Variants in IQGAP1 observed in about 807,000 individuals in gnomAD.
The protein encoded by IQGAP1 is ras GTPase-activating-like protein IQGAP1.
In IQGAP1, 66 loss-of-function variants were observed where a neutral mutation model predicts 215.6. The observed-to-expected ratio is 0.31, with a 90% CI of 0.25 to 0.38. The LOEUF (loss-of-function observed/expected upper bound fraction) is 0.38, where lower values mean the gene tolerates loss of function less well. Ranked by LOEUF, IQGAP1 falls within the 10% of genes least tolerant of loss-of-function variation. The pLI is 1.00. For missense variants in IQGAP1, 1,712 were observed against 1,997.1 expected (o/e 0.86, Z 2.72); for synonymous variants, 772 against 728.7 (o/e 1.06, Z -0.96).
intron 6 of IQGAP1, among the ~76,000 whole-genome samples, chr15:90,439,712 A>G (rs1965422384): frequency 6.6e-6 from 1 of 152,214 alleles, no homozygotes; most frequent in African/African-American, 2.4e-5. Context: ...GGTATGTTGA[A>G]AAAAGCTTTA....
chr15:90,453,169 A>C lies in IQGAP1; in HGVS notation c.1364A>C (p.Glu455Ala). 1.2e-6 allele frequency: 2 copies of C among 1,613,900 alleles called. No homozygotes were observed. Among genetic ancestry groups the C allele is most frequent in the Non-Finnish European group, 1.7e-6 (2 of 1,179,910 alleles). The change falls in exon 13 of 38, where the codon GAG (glutamate) becomes GCG (alanine). Residue 455 changes from glutamate (E) to alanine (A), a missense_variant. Coordinates refer to ENST00000268182, the MANE Select transcript of IQGAP1 (RefSeq NM_003870.4). ...CACCCAGAGCTCTCTGTCGCAGTGGAGATGTTGTCATCGGTGGCCCTGATC... is the reference window on the plus strand; with the variant it reads ...CACCCAGAGCTCTCTGTCGCAGTGGCGATGTTGTCATCGGTGGCCCTGATC... ...LTHPELSVAVEMLSSVALINR... is the reference protein window; with the variant it reads ...LTHPELSVAVAMLSSVALINR...
chr15:90,399,818 G>T (rs1292584581), intron 2 of IQGAP1, among the ~76,000 whole-genome samples: 1 of 151,880 alleles, frequency 6.6e-6, no homozygotes, highest in African/African-American at 2.4e-5. Context: ...AAAACCAGCT[G>T]TTTATTACCT....
chr15:90,388,284 G>C lies in IQGAP1; in HGVS notation c.-58G>C, dbSNP rs1185002010. ...GCACTTGGCAGGAGCTGTAGCTACC[G>C]CCGTCCGCGCCTCCAAGGTTTCACG... On this transcript the variant is annotated 5_prime_UTR_variant, in exon 1 of 38. Transcript: ENST00000268182. 4.6e-5 allele frequency: 73 copies of C among 1,577,712 alleles called. No homozygotes were observed. The East Asian group carries it at 1.6e-3, about 34-fold the overall frequency.
intron 18 of IQGAP1, among the ~76,000 whole-genome samples, chr15:90,468,788 A>G (rs530037516): frequency 2.0e-5 from 3 of 152,250 alleles, no homozygotes; most frequent in East Asian, 3.9e-4. Context: ...CCATGATCAC[A>G]GCAGTGCACT....
rs1291301669 is a variant in IQGAP1, at chr15:90,429,708, T to C, written c.390+42T>C. On this transcript the variant is annotated intron_variant, in intron 4 of 37. Transcript: ENST00000268182. ...AATAGTTTAGGCTTTGTTCCAGCTGTTGTGGCATAACCCTCAAACAACCTG... is the reference window on the plus strand; with the variant it reads ...AATAGTTTAGGCTTTGTTCCAGCTGCTGTGGCATAACCCTCAAACAACCTG... 4 of 1,336,406 alleles carry C rather than the reference T, an allele frequency of 3.0e-6. No individual in the cohort carries two copies. The East Asian group carries it at 9.4e-5, about 31-fold the overall frequency. 82.8% of individuals were successfully genotyped at this position (1,336,406 alleles called of 1,614,324 possible). A position where few individuals can be genotyped will look rare whatever the true frequency, so the allele number is the denominator to read the frequency against.
chr15:90,443,992 A>T (rs1277984478), intron 9 of IQGAP1, among the ~76,000 whole-genome samples: 1 of 151,898 alleles, frequency 6.6e-6, no homozygotes, highest in Non-Finnish European at 1.5e-5. Flanking sequence ...TGAACCTGGG[A>T]GGCATAGGTT....
At chr15:90,497,117 T>C (rs909182684) in intron 36 of IQGAP1, 115 bp from the exon 37 acceptor site, 7 of 625,650 alleles carry the variant, frequency 1.1e-5, no homozygotes, top group Admixed American at 3.0e-5. Context: ...TTGACCTGTA[T>C]TTTCTGCAGC....
intron 15 of IQGAP1, among the ~76,000 whole-genome samples, chr15:90,458,712 C>T (rs1302883778): frequency 6.6e-6 from 1 of 152,174 alleles, no homozygotes; most frequent in Non-Finnish European, 1.5e-5. Context: ...TTCTAGCTTC[C>T]CTAGAGCCAA....
At chr15:90,419,306 A>G (rs1965099785) in intron 2 of IQGAP1, among the ~76,000 whole-genome samples, 1 of 152,208 alleles carries the variant, frequency 6.6e-6, no homozygotes, top group Non-Finnish European at 1.5e-5. Context: ...GATTGAGATA[A>G]TAATGCATGT....
At chr15:90,423,796 A>G (rs1965182238) in intron 2 of IQGAP1, among the ~76,000 whole-genome samples, 1 of 152,238 alleles carries the variant, frequency 6.6e-6, no homozygotes, top group South Asian at 2.1e-4. Context: ...TATAGGAAAC[A>G]TCTAAGTCAG....
At chr15:90,456,488 G>T (rs1965682200) in intron 15 of IQGAP1, among the ~76,000 whole-genome samples, 173 bp downstream of exon 15, 1 of 152,140 alleles carries the variant, frequency 6.6e-6, no homozygotes, top group South Asian at 2.1e-4. Context: ...CACCTACTAG[G>T]AGCTCATGCT....
intron 8 of IQGAP1, among the ~76,000 whole-genome samples, chr15:90,442,200 A>T (rs1463644856): frequency 6.6e-6 from 1 of 152,190 alleles, no homozygotes; most frequent in East Asian, 1.9e-4. Context: ...TAGTTAAATG[A>T]TTCTGACTTG....
Position 90,388,258 on chromosome 15 carries a change from C to A in IQGAP1, c.-84C>A. 6.7e-7 allele frequency: 1 copy of A among 1,485,156 alleles called. No homozygotes were observed. The highest frequency in any genetic ancestry group is 9.2e-7 in the Non-Finnish European group (1 of 1,089,534). The allele number at this position is 1,485,156 out of a possible 1,614,324, so 92.0% of individuals were successfully genotyped here. A position where few individuals can be genotyped will look rare whatever the true frequency, so the allele number is the denominator to read the frequency against. ...GGCCTCGGGGACCCCGGCAAGCCCG[C>A]GCACTTGGCAGGAGCTGTAGCTACC... On this transcript the variant is annotated 5_prime_UTR_variant, in exon 1 of 38. Coordinates refer to ENST00000268182, the MANE Select transcript of IQGAP1 (RefSeq NM_003870.4).
chr15:90,424,937 G>A (rs970269562), intron 2 of IQGAP1, among the ~76,000 whole-genome samples: 11 of 152,208 alleles, frequency 7.2e-5, no homozygotes, highest in Admixed American at 2.6e-4. Flanking sequence ...TAAAATTTAA[G>A]TATATGTATA....
At chr15:90,395,616 G>A (rs528140761) in intron 2 of IQGAP1, among the ~76,000 whole-genome samples, 5 of 152,306 alleles carry the variant, frequency 3.3e-5, no homozygotes, top group East Asian at 1.9e-4. Flanking sequence ...CACTGCGCCC[G>A]GCCGGCTAAA....
At chr15:90,454,798 G>A (rs1965656155) in intron 14 of IQGAP1, among the ~76,000 whole-genome samples, 1 of 152,178 alleles carries the variant, frequency 6.6e-6, no homozygotes. Flanking sequence ...ATTTTTAAAT[G>A]CTGTTATAAC....
chr15:90,442,308 TAGCCC>T (rs1221475687), intron 8 of IQGAP1, among the ~76,000 whole-genome samples: 1 of 151,370 alleles, frequency 6.6e-6, no homozygotes, highest in Non-Finnish European at 1.5e-5. Flanking sequence ...AGTCAAAAAT[TAGCCC>T]AGCGTTGTGT....
chr15:90,487,114 G>T (rs1280200525), intron 32 of IQGAP1, 25 bp downstream of exon 32: 2 of 1,613,210 alleles, frequency 1.2e-6, no homozygotes, highest in Non-Finnish European at 1.7e-6. Context: ...AAGGAAGAAT[G>T]AAATGAATGT....
In IQGAP1 at chr15:90,437,847, T is replaced by G. The variant is rs1965391463; in HGVS notation, c.468-1485T>G. Reference sequence around the variant, plus strand: ...AGCCACTACACCCAGTCTGGAGAATTTTTTGAATACATTTAAAATCTTCTG... The same window carrying G: ...AGCCACTACACCCAGTCTGGAGAATGTTTTGAATACATTTAAAATCTTCTG... On this transcript the variant is annotated intron_variant, in intron 5 of 37. Transcript: ENST00000268182. Among the ~76,000 whole-genome samples the G allele has an allele frequency of 3.3e-5, 5 of 152,344 alleles. No homozygotes were observed. The South Asian group carries it at 1.0e-3, about 32-fold the overall frequency.
Sources: allele counts gnomAD v4.1 joint callset (sites outside exome capture counted in the v4.1 genomes callset), GRCh38; gene constraint gnomAD v4.1.1; transcripts MANE v1.5; gene names NCBI Gene and HGNC (gene_info 2026-07-23, HGNC 2026-07-21).